Variants in NRG1 observed in about 807,000 individuals in gnomAD.
NRG1 encodes the protein neuregulin 1.
A neutral mutation model predicts 63.8 loss-of-function variants in NRG1; 18 were observed. The ratio of observed to expected loss-of-function variants is 0.28; its 90% CI spans 0.19 to 0.42. NRG1 has a LOEUF of 0.42. Ranked by LOEUF, NRG1 falls within the 10% of genes least tolerant of loss-of-function variation. The pLI, the probability that NRG1 is intolerant of heterozygous loss-of-function variation, is 1.00. For synonymous variants in NRG1, 302 were observed against 301.3 expected, an observed-to-expected ratio of 1.00 and a Z score of -0.02; for missense variants, 762 against 814.7, an observed-to-expected ratio of 0.94 and a Z score of 0.79.
intron 1 of NRG1, among the ~76,000 whole-genome samples, chr8:31,729,765 A>G (rs1176433961): frequency 6.6e-6 from 1 of 152,182 alleles, no homozygotes; most frequent in African/African-American, 2.4e-5. Context: ...AAAATGAAAA[A>G]GGATCTGGGG....
intron 1 of NRG1, among the ~76,000 whole-genome samples, chr8:32,135,513 G>A (rs1261566390): frequency 6.6e-6 from 1 of 152,050 alleles, no homozygotes; most frequent in Non-Finnish European, 1.5e-5. Flanking sequence ...GGGCACAAAG[G>A]AAATACAGAA....
chr8:31,881,396 A>C (rs747440818), intron 1 of NRG1, among the ~76,000 whole-genome samples: 3 of 152,188 alleles, frequency 2.0e-5, no homozygotes, highest in Non-Finnish European at 4.4e-5. Flanking sequence ...TGTGTGTAAT[A>C]GTTGCTACAC....
intron 1 of NRG1, among the ~76,000 whole-genome samples, chr8:32,080,760 TGTGC>T (rs1222777611): frequency 3.3e-4 from 7 of 20,908 alleles, no homozygotes; most frequent in Non-Finnish European, 6.4e-4. Context: ...AATTTGTGTG[TGTGC>T]GTGTGTGTGT....
At chr8:32,396,942 T>C (rs1022661680) in intron 1 of NRG1, among the ~76,000 whole-genome samples, 1 of 152,218 alleles carries the variant, frequency 6.6e-6, no homozygotes, top group Non-Finnish European at 1.5e-5. Context: ...TTTCTATTAC[T>C]CACCTTAAAA....
chr8:31,641,168 T>A (rs770912826), intron 1 of NRG1, among the ~76,000 whole-genome samples: 1 of 152,066 alleles, frequency 6.6e-6, no homozygotes, highest in Non-Finnish European at 1.5e-5. Context: ...TGGTTAGGGG[T>A]TTGCTTCTGT....
At chr8:32,383,885 T>G (rs111663034) in intron 1 of NRG1, among the ~76,000 whole-genome samples, 34 of 152,322 alleles carry the variant, frequency 2.2e-4, no homozygotes, top group Admixed American at 1.3e-3. Context: ...AAATTGGGAC[T>G]GTAATTCTTA....
chr8:32,159,980 G>A (rs75169285), intron 1 of NRG1, among the ~76,000 whole-genome samples: 6,376 of 152,252 alleles, frequency 0.042, 200 homozygotes, highest in Middle Eastern at 0.092. Context: ...GAGAAGAAAC[G>A]TCCTAAGAAG....
intron 1 of NRG1, among the ~76,000 whole-genome samples, chr8:32,395,233 C>T (rs1466772934): frequency 6.6e-6 from 1 of 152,078 alleles, no homozygotes; most frequent in African/African-American, 2.4e-5. Context: ...ACAGTTTATT[C>T]ATGTAAGATC....
At chr8:32,192,884 A>G (rs985359064) in intron 1 of NRG1, among the ~76,000 whole-genome samples, 1 of 152,116 alleles carries the variant, frequency 6.6e-6, no homozygotes, top group South Asian at 2.1e-4. Flanking sequence ...ACACACATCA[A>G]AACATTCAAT....
At chr8:32,066,714 A>G (rs1824883465) in intron 1 of NRG1, among the ~76,000 whole-genome samples, 2 of 152,126 alleles carry the variant, frequency 1.3e-5, no homozygotes, top group Admixed American at 6.5e-5. Flanking sequence ...GTTTTTTCCA[A>G]TTCTATGAAG....
At chr8:32,591,043 C>G (rs2129536243) in intron 1 of NRG1, among the ~76,000 whole-genome samples, 1 of 152,294 alleles carries the variant, frequency 6.6e-6, no homozygotes, top group Admixed American at 6.5e-5. Context: ...CTAGAAGGTA[C>G]CACTGACGGC....
chr8:32,488,012 G>A (rs1273314656), intron 1 of NRG1, among the ~76,000 whole-genome samples: 1 of 152,162 alleles, frequency 6.6e-6, no homozygotes, highest in Non-Finnish European at 1.5e-5. Context: ...TCTGGAGACT[G>A]TGGTTTCTTA....
intron 5 of NRG1, among the ~76,000 whole-genome samples, chr8:32,626,043 C>T (rs1849208391): frequency 6.6e-6 from 1 of 152,104 alleles, no homozygotes; most frequent in African/African-American, 2.4e-5. Flanking sequence ...ATCTGCCCAC[C>T]TTGGCCTCCC....
At chr8:31,664,687 A>G (rs1358020176) in intron 1 of NRG1, among the ~76,000 whole-genome samples, 1 of 152,212 alleles carries the variant, frequency 6.6e-6, no homozygotes, top group African/African-American at 2.4e-5. Flanking sequence ...GGAGGATGGA[A>G]CGGTGTGTAG....
At chr8:32,089,904 G>T (rs1461997029) in intron 1 of NRG1, among the ~76,000 whole-genome samples, 1 of 152,210 alleles carries the variant, frequency 6.6e-6, no homozygotes, top group Non-Finnish European at 1.5e-5. Flanking sequence ...TGTCATATGT[G>T]TTCCAAGTAA....
rs115138244 is a variant in NRG1 at position 32,641,946 on chromosome 8, A to G, written c.502+25061A>G. Among the ~76,000 whole-genome samples the G allele has an allele frequency of 1.9e-3, 283 of 152,342 alleles. 1 individual carries two copies. Among genetic ancestry groups the G allele is most frequent in the African/African-American group, 6.2e-3 (257 of 41,588 alleles). ...TGGTTTGCTCTCAGAGAACTTTTCT[A>G]TTTAGCTGGGGAGAGAGGAATGACA... is the stretch of plus-strand genomic sequence containing the variant. On this transcript the variant is annotated intron_variant, in intron 5 of 11. Transcript: ENST00000356819.
At chr8:32,469,983 G>A (rs945679299) in intron 1 of NRG1, among the ~76,000 whole-genome samples, 7 of 151,390 alleles carry the variant, frequency 4.6e-5, no homozygotes, top group Admixed American at 1.3e-4. Flanking sequence ...TCAGCCTCCC[G>A]AGTAGCTGGG....
chr8:32,497,446 C>CAAA (rs34243536), intron 1 of NRG1, among the ~76,000 whole-genome samples: 1 of 119,574 alleles, frequency 8.4e-6, no homozygotes, highest in African/African-American at 3.1e-5. Flanking sequence ...GATTTTGTAT[C>CAAA]AAAAAAAAAA....
At position 31,775,732 on chromosome 8, in the gene NRG1, A is replaced by C. The variant is rs528022908; in HGVS notation, c.37+136301A>C. Among the ~76,000 whole-genome samples the C allele has an allele frequency of 3.6e-4, 55 of 151,922 alleles. 1 individual carries two copies. The highest frequency in any genetic ancestry group is 1.2e-3 in the African/African-American group (48 of 41,392). On this transcript the variant is annotated intron_variant, in intron 1 of 10. Coordinates refer to the NRG1 transcript ENST00000519301. ...CCCCGTCTCTACTAAAAATACAAAA[A>C]ATTAGCTGGGCATGATGGTGGGTGC...
Sources: allele counts gnomAD v4.1 joint callset (sites outside exome capture counted in the v4.1 genomes callset), GRCh38; gene constraint gnomAD v4.1.1; transcripts MANE v1.5; gene names NCBI Gene and HGNC (gene_info 2026-07-23, HGNC 2026-07-21).